TMEM108: variants seen among roughly 807,000 people sequenced by gnomAD.
TMEM108 encodes the protein cancer/testis antigen 124.
Under a neutral mutation model 35.1 loss-of-function variants are expected in TMEM108, and 12 were observed. The observed-to-expected ratio is 0.34, with a 90% CI of 0.22 to 0.55. The LOEUF (loss-of-function observed/expected upper bound fraction) is 0.55. Ranked by LOEUF, TMEM108 falls within the 20% of genes least tolerant of loss-of-function variation. TMEM108 has a pLI of 0.89. For missense variants in TMEM108, 680 were observed against 753.3 expected (o/e 0.90, Z 1.14); for synonymous variants, 287 against 308.6 (o/e 0.93, Z 0.73).
chr3:133,312,671 C>T (rs148371746), intron 3 of TMEM108, among the ~76,000 whole-genome samples: 6,677 of 152,318 alleles, frequency 0.044, 191 homozygotes, highest in Non-Finnish European at 0.064. Context: ...ATCCCCTGAC[C>T]CCTTGTGCTT....
chr3:133,125,441 A>G (rs140493606), intron 2 of TMEM108, among the ~76,000 whole-genome samples: 1 of 152,140 alleles, frequency 6.6e-6, no homozygotes, highest in African/African-American at 2.4e-5. Flanking sequence ...TGAACCTCGA[A>G]TGTGCTATTT....
intron 2 of TMEM108, among the ~76,000 whole-genome samples, chr3:133,096,082 TAGAC>T (rs1944011415): frequency 6.6e-6 from 1 of 152,170 alleles, no homozygotes; most frequent in Admixed American, 6.5e-5. Flanking sequence ...CTTGATGTCT[TAGAC>T]AGAATATTCG....
intron 2 of TMEM108, among the ~76,000 whole-genome samples, chr3:133,101,679 C>T (rs1429606396): frequency 6.6e-6 from 1 of 152,212 alleles, no homozygotes; most frequent in Admixed American, 6.5e-5. Flanking sequence ...GTTTATTTTA[C>T]ATACATCTCT....
chr3:133,225,424 C>T (rs139833856), intron 2 of TMEM108, among the ~76,000 whole-genome samples: 3,173 of 152,020 alleles, frequency 0.021, 44 homozygotes, highest in Non-Finnish European at 0.031. Context: ...TGGTGGGGGA[C>T]GAATTTGCCT....
At chr3:133,330,691 A>G (rs2071384106) in intron 3 of TMEM108, among the ~76,000 whole-genome samples, 1 of 152,164 alleles carries the variant, frequency 6.6e-6, no homozygotes, top group Non-Finnish European at 1.5e-5. Context: ...TTTCTAGACA[A>G]TGGAGCCAGC....
intron 2 of TMEM108, among the ~76,000 whole-genome samples, chr3:133,200,273 C>A (rs1244560350): frequency 1.3e-5 from 2 of 152,188 alleles, no homozygotes; most frequent in Non-Finnish European, 2.9e-5. Flanking sequence ...CACCCACTCT[C>A]CTGCACCCAC....
chr3:133,294,758 A>G (rs1947119791), intron 3 of TMEM108, among the ~76,000 whole-genome samples: 1 of 152,248 alleles, frequency 6.6e-6, no homozygotes, highest in Non-Finnish European at 1.5e-5. Context: ...AGGCCAGCAC[A>G]TTCCCTTTAA....
intron 3 of TMEM108, among the ~76,000 whole-genome samples, chr3:133,267,075 C>T (rs1235749047): frequency 8.5e-6 from 1 of 117,872 alleles, no homozygotes; most frequent in Non-Finnish European, 1.8e-5. Flanking sequence ...AGCAAGACTC[C>T]ACCTCAAAAA....
intron 3 of TMEM108, among the ~76,000 whole-genome samples, chr3:133,270,564 G>A (rs1212162427): frequency 1.3e-5 from 2 of 152,114 alleles, no homozygotes; most frequent in African/African-American, 4.8e-5. Flanking sequence ...GCTTTTGGCT[G>A]CTGGATGGAG....
rs1280060484 is a variant in TMEM108, at chr3:133,365,387, T to G, written c.41-14365T>G. The stretch of plus-strand genomic sequence containing the variant: ...ACCTAGTTTTCTGTAATTCTGGCAT[T>G]TATTTTCTCTCCATAACTCCTCAGG... On this transcript the variant is annotated intron_variant, in intron 3 of 5. Coordinates refer to ENST00000321871, the MANE Select transcript of TMEM108 (RefSeq NM_023943.4). Among the ~76,000 whole-genome samples the G allele has an allele frequency of 2.0e-5, 3 of 152,218 alleles. No individual in the cohort carries two copies. In the East Asian group the frequency reaches 5.8e-4, roughly 29 times the overall value.
intron 2 of TMEM108, among the ~76,000 whole-genome samples, chr3:133,161,664 A>G (rs962193192): frequency 3.9e-5 from 6 of 152,060 alleles, no homozygotes; most frequent in African/African-American, 1.4e-4. Flanking sequence ...TGTGTGGCAG[A>G]AAAATATGAT....
At chr3:133,350,861 C>T (rs1559919551) in intron 3 of TMEM108, among the ~76,000 whole-genome samples, 1 of 152,034 alleles carries the variant, frequency 6.6e-6, no homozygotes, top group Non-Finnish European at 1.5e-5. Context: ...AGACCCTGGC[C>T]CTCTTCCTAG....
At chr3:133,236,878 G>C (rs1364900657) in intron 3 of TMEM108, among the ~76,000 whole-genome samples, 3 of 151,874 alleles carry the variant, frequency 2.0e-5, no homozygotes, top group Non-Finnish European at 4.4e-5. Context: ...GTCCTCCTGT[G>C]GTCTGTGATC....
intron 2 of TMEM108, among the ~76,000 whole-genome samples, chr3:133,215,763 AT>A (rs1057192179): frequency 4.0e-5 from 6 of 151,710 alleles, no homozygotes; most frequent in African/African-American, 7.3e-5. Flanking sequence ...ATATACCTGT[AT>A]TTTTTTTCCT....
intron 3 of TMEM108, chr3:133,247,529 C>T (rs551448114): frequency 1.4e-4 from 21 of 152,062 alleles, no homozygotes; most frequent in Admixed American, 3.3e-4. Context: ...TGGGGAGCTT[C>T]CCCTCTTTCA....
At chr3:133,219,968 A>AT (rs1383544250) in intron 2 of TMEM108, among the ~76,000 whole-genome samples, 1 of 151,888 alleles carries the variant, frequency 6.6e-6, no homozygotes, top group Non-Finnish European at 1.5e-5. Flanking sequence ...ATCTATTAAT[A>AT]TTTTTTATGT....
intron 3 of TMEM108, among the ~76,000 whole-genome samples, chr3:133,259,632 G>A (rs377029763): frequency 4.3e-4 from 65 of 152,284 alleles, no homozygotes; most frequent in African/African-American, 1.3e-3. Context: ...TTTGATATTG[G>A]CAGTTAGGAG....
At chr3:133,195,388 T>A (rs554552356) in intron 2 of TMEM108, among the ~76,000 whole-genome samples, 1 of 152,208 alleles carries the variant, frequency 6.6e-6, no homozygotes, top group Non-Finnish European at 1.5e-5. Flanking sequence ...TGCTTTTCTC[T>A]TCCAAACATT....
At chr3:133,130,745 A>C (rs1944479829) in intron 2 of TMEM108, among the ~76,000 whole-genome samples, 1 of 152,218 alleles carries the variant, frequency 6.6e-6, no homozygotes, top group Non-Finnish European at 1.5e-5. Context: ...ATTGGAAGAT[A>C]TAGACTGCTA....
Sources: gnomAD v4.1 joint callset for allele counts (sites outside exome capture counted in the v4.1 genomes callset) on GRCh38, gnomAD v4.1.1 for gene constraint, MANE v1.5 for transcripts, NCBI Gene and HGNC (gene_info 2026-07-23, HGNC 2026-07-21) for gene names.